The following SGCZ variants were observed in gnomAD, a reference collection of about 807,000 sequenced individuals.
SGCZ encodes sarcoglycan zeta.
A neutral mutation model predicts 41.3 loss-of-function variants in SGCZ; 40 were observed. That is an observed-to-expected ratio of 0.97 (90% CI 0.75 to 1.26). SGCZ has a LOEUF of 1.26. Among genes scored for constraint, SGCZ ranks in the 50% most tolerant of loss-of-function variants. The pLI is 0.00. For synonymous variants in SGCZ, 206 were observed against 137.5 expected (o/e 1.50, Z -3.49); for missense variants, 552 against 369.8 (o/e 1.49, Z -4.04).
chr8:14,357,098 T>C (rs1347056701), intron 2 of SGCZ, among the ~76,000 whole-genome samples: 1 of 152,084 alleles, frequency 6.6e-6, no homozygotes. Context: ...AAAAAGTAAG[T>C]TTCAAATGAA....
chr8:14,577,587 C>G (rs1029585557), intron 1 of SGCZ, among the ~76,000 whole-genome samples: 1 of 151,950 alleles, frequency 6.6e-6, no homozygotes, highest in Non-Finnish European at 1.5e-5. Flanking sequence ...AGTGTTTCAC[C>G]ATATTGGCCA....
intron 1 of SGCZ, among the ~76,000 whole-genome samples, chr8:15,095,785 G>A (rs186658295): frequency 9.2e-5 from 14 of 152,170 alleles, no homozygotes; most frequent in Admixed American, 2.0e-4. Context: ...AATTGCAGTC[G>A]AGGAGTTGCC....
chr8:14,598,057 G>C (rs1321818717), intron 1 of SGCZ, among the ~76,000 whole-genome samples: 1 of 152,070 alleles, frequency 6.6e-6, no homozygotes. Flanking sequence ...AAAATTATGA[G>C]TATACTTATT....
At chr8:14,789,899 T>G (rs1190633876) in intron 1 of SGCZ, among the ~76,000 whole-genome samples, 2 of 152,200 alleles carry the variant, frequency 1.3e-5, no homozygotes, top group Non-Finnish European at 2.9e-5. Flanking sequence ...CAATAAAATT[T>G]CAGGCCCATG....
At chr8:14,275,793 C>T (rs1239913561) in intron 3 of SGCZ, among the ~76,000 whole-genome samples, 2 of 152,132 alleles carry the variant, frequency 1.3e-5, no homozygotes, top group Non-Finnish European at 2.9e-5. Flanking sequence ...TGGCTGAAGG[C>T]TGGTTTCATG....
chr8:15,222,466 G>A (rs1278190048), intron 1 of SGCZ, among the ~76,000 whole-genome samples: 1 of 152,054 alleles, frequency 6.6e-6, no homozygotes, highest in African/African-American at 2.4e-5. Context: ...CCCCTGGAAG[G>A]ACCTGCTTGG....
At chr8:15,196,685 G>A (rs982418460) in intron 1 of SGCZ, among the ~76,000 whole-genome samples, 8 of 151,988 alleles carry the variant, frequency 5.3e-5, no homozygotes, top group East Asian at 3.9e-4. Context: ...TACACAATGC[G>A]CAGGTTAGTT....
intron 2 of SGCZ, among the ~76,000 whole-genome samples, chr8:14,462,807 G>A (rs535109462): frequency 1.3e-5 from 2 of 151,720 alleles, no homozygotes; most frequent in Non-Finnish European, 1.5e-5. Context: ...GATCATTTGG[G>A]GTAATACTGT....
chr8:15,229,739 G>T (rs1040865357), intron 1 of SGCZ, among the ~76,000 whole-genome samples: 1 of 152,114 alleles, frequency 6.6e-6, no homozygotes, highest in African/African-American at 2.4e-5. Flanking sequence ...TGATAACAGC[G>T]TTTTCCCATT....
At chr8:15,068,222 C>T (rs1369511385) in intron 1 of SGCZ, among the ~76,000 whole-genome samples, 1 of 152,182 alleles carries the variant, frequency 6.6e-6, no homozygotes, top group Non-Finnish European at 1.5e-5. Context: ...GGTAAGTCAG[C>T]CTTCCAACAT....
At chr8:15,190,951 T>G (rs955668782) in intron 1 of SGCZ, among the ~76,000 whole-genome samples, 1 of 152,016 alleles carries the variant, frequency 6.6e-6, no homozygotes, top group Admixed American at 6.6e-5. Flanking sequence ...TTCTCAAGAG[T>G]GGACTATCTA....
At chr8:14,267,984 A>C (rs573601615) in intron 3 of SGCZ, among the ~76,000 whole-genome samples, 1 of 151,918 alleles carries the variant, frequency 6.6e-6, no homozygotes, top group South Asian at 2.1e-4. Flanking sequence ...ATAGCATTTC[A>C]AAAGAATTAT....
intron 2 of SGCZ, among the ~76,000 whole-genome samples, chr8:14,410,282 A>T (rs1472766506): frequency 6.6e-6 from 1 of 151,968 alleles, no homozygotes; most frequent in Admixed American, 6.6e-5. Context: ...GATGCCAAAA[A>T]GTTGGGGACT....
chr8:14,675,088 G>A (rs1055532250), intron 1 of SGCZ, among the ~76,000 whole-genome samples: 6 of 151,302 alleles, frequency 4.0e-5, no homozygotes, highest in African/African-American at 1.5e-4. Context: ...ATAGGCACCC[G>A]CCACCACGCC....
At chr8:14,747,448 C>T (rs1448222370) in intron 1 of SGCZ, among the ~76,000 whole-genome samples, 1 of 152,112 alleles carries the variant, frequency 6.6e-6, no homozygotes, top group African/African-American at 2.4e-5. Flanking sequence ...GCAAATTAAA[C>T]CATACACAGA....
chr8:15,112,598 A>C (rs142378239), intron 1 of SGCZ, among the ~76,000 whole-genome samples: 47 of 152,334 alleles, frequency 3.1e-4, no homozygotes, highest in African/African-American at 1.1e-3. Context: ...GCCTTAATAC[A>C]TAGGCAGTTT....
chr8:14,891,943 T>C (rs1289946479), intron 1 of SGCZ, among the ~76,000 whole-genome samples: 1 of 152,222 alleles, frequency 6.6e-6, no homozygotes, highest in Middle Eastern at 3.2e-3. Context: ...TGTATATGTT[T>C]AGACATAATA....
At chr8:15,172,164 T>TATTTATTTATTTA (rs10643012) in intron 1 of SGCZ, among the ~76,000 whole-genome samples, 14,276 of 108,288 alleles carry the variant, frequency 0.13, 1,306 homozygotes, top group Non-Finnish European at 0.19. Context: ...GTTTTTTTTT[T>TATTTATTTATTTA]TTTTTTTTTT....
chr8:14,901,499 A>G (rs1429998479), intron 1 of SGCZ, among the ~76,000 whole-genome samples: 5 of 152,196 alleles, frequency 3.3e-5, no homozygotes, highest in African/African-American at 1.2e-4. Flanking sequence ...CTAAAAATGT[A>G]TCTGATTTGA....
Sources: allele counts gnomAD v4.1 joint callset (sites outside exome capture counted in the v4.1 genomes callset), GRCh38; gene constraint gnomAD v4.1.1; transcripts MANE v1.5; gene names NCBI Gene and HGNC (gene_info 2026-07-23, HGNC 2026-07-21).